The following PPP1R8 variants were observed in gnomAD, a reference collection of about 807,000 sequenced individuals.
The protein encoded by PPP1R8 is nuclear inhibitor of protein phosphatase 1.
Under a neutral mutation model 31.3 loss-of-function variants are expected in PPP1R8, and 4 were observed. The ratio of observed to expected loss-of-function variants is 0.13; its 90% confidence interval spans 0.06 to 0.29. PPP1R8 has a LOEUF of 0.29. PPP1R8 is among the 10% of genes least tolerant of loss of function. PPP1R8 has a pLI of 1.00. For synonymous variants in PPP1R8, 170 were observed against 169.7 expected (o/e 1.00, Z -0.01); for missense variants, 254 against 440.1 (o/e 0.58, Z 3.78).
chr1:27,850,608 G>A lies in PPP1R8; in HGVS notation c.*162G>A. The stretch of plus-strand genomic sequence containing the variant: ...TAATATGACAATTGGGGGTGGGGTT[G>A]AAATAGCCCATAAAGACCTGTCTTC... On this transcript the variant is annotated 3_prime_UTR_variant, in exon 7 of 7. Coordinates refer to ENST00000311772, the MANE Select transcript of PPP1R8 (RefSeq NM_014110.5). 1.5e-6 allele frequency: 1 copy of A among 658,390 alleles called. No homozygotes were observed. The allele number at this position is 658,390 out of a possible 1,614,324, so 40.8% of individuals were successfully genotyped here. A position where few individuals can be genotyped will look rare whatever the true frequency, so the allele number is the denominator to read the frequency against.
At chr1:27,847,439 G>A (rs1355528328) in intron 6 of PPP1R8, among the ~76,000 whole-genome samples, 1 of 151,654 alleles carries the variant, frequency 6.6e-6, no homozygotes, top group Non-Finnish European at 1.5e-5. Context: ...CCTGGGAGGC[G>A]GAGGTTGCAG....
At chr1:27,845,790 T>A (rs1436339849) in intron 5 of PPP1R8, among the ~76,000 whole-genome samples, 2 of 129,394 alleles carry the variant, frequency 1.5e-5, no homozygotes, top group Admixed American at 7.3e-5. Context: ...TTTCTTTTTT[T>A]TTTTTTTTTT....
intron 5 of PPP1R8, among the ~76,000 whole-genome samples, chr1:27,844,703 CTTTTTTTTTTTT>C (rs777070302): frequency 4.3e-5 from 3 of 70,448 alleles, no homozygotes; most frequent in South Asian, 4.9e-4. Flanking sequence ...AGACAAATTT[CTTTTTTTTTTTT>C]TTTTTTTTTT....
At chr1:27,848,131 G>A (rs570208265) in intron 6 of PPP1R8, among the ~76,000 whole-genome samples, 4 of 152,264 alleles carry the variant, frequency 2.6e-5, no homozygotes, top group Admixed American at 6.5e-5. Flanking sequence ...GGCTGGGTGC[G>A]GTGGCTCACG....
Position 27,838,068 on chromosome 1 carries a change from G to A in PPP1R8, c.118-631G>A, listed in dbSNP as rs538992024. 3.4e-3 allele frequency among the ~76,000 whole-genome samples: 523 copies of A among 151,914 alleles called. 4 individuals are homozygous for A. Among genetic ancestry groups the A allele is most frequent in the African/African-American group, 0.012 (490 of 41,416 alleles). ...CTACTAAAGATACAAAAAATTAGCC[G>A]GGCATGGTGGCGCGTGCCTGTAATC... On this transcript the variant is annotated intron_variant, in intron 2 of 6. Coordinates refer to ENST00000311772, the MANE Select transcript of PPP1R8 (RefSeq NM_014110.5).
chr1:27,843,513 A>G (rs2089242620), intron 5 of PPP1R8, among the ~76,000 whole-genome samples, 183 bp downstream of exon 5: 1 of 152,136 alleles, frequency 6.6e-6, no homozygotes, highest in Admixed American at 6.5e-5. Flanking sequence ...TACAAAAATT[A>G]GCTGGGCATG....
At chr1:27,840,990 C>T (rs78131453) in intron 3 of PPP1R8, 24 bp from the exon 4 acceptor site, 42 of 1,610,684 alleles carry the variant, frequency 2.6e-5, no homozygotes, top group Non-Finnish European at 3.1e-5. Context: ...TTCCCCCTTA[C>T]GTTTCTGATT....
intron 2 of PPP1R8, chr1:27,834,481 G>A (rs1232442164): frequency 7.7e-6 from 4 of 519,122 alleles, no homozygotes; most frequent in South Asian, 5.6e-5. Context: ...CTGGGTTTAA[G>A]AAGTGCAATA....
At chr1:27,837,086 A>C (rs181185452) in intron 2 of PPP1R8, among the ~76,000 whole-genome samples, 3 of 152,086 alleles carry the variant, frequency 2.0e-5, no homozygotes, top group Admixed American at 2.0e-4. Context: ...AATTGATCTA[A>C]AATTAAGATC....
chr1:27,847,332 C>T (rs2089295133), intron 6 of PPP1R8, among the ~76,000 whole-genome samples: 1 of 152,160 alleles, frequency 6.6e-6, no homozygotes, highest in Non-Finnish European at 1.5e-5. Context: ...CATGGTGAAA[C>T]CCTGTCTCTA....
intron 2 of PPP1R8, 22 bp downstream of exon 2, chr1:27,832,838 T>G: frequency 6.3e-7 from 1 of 1,585,166 alleles, no homozygotes; most frequent in Non-Finnish European, 8.6e-7. Flanking sequence ...CATGTCTTAC[T>G]TTTTTGGCTG....
rs1436411318 is a variant in PPP1R8, at chr1:27,850,828, C to T, written c.*382C>T. ...CAGTAGCATCACCAGCCTTGGGGGT[C>T]CAGAGCCTAATTTATATTCACTATC... On this transcript the variant is annotated 3_prime_UTR_variant, in exon 7 of 7. Coordinates refer to ENST00000311772, the MANE Select transcript of PPP1R8 (RefSeq NM_014110.5). 1.2e-5 allele frequency: 2 copies of T among 169,476 alleles called. No individual in the cohort carries two copies. Among genetic ancestry groups the T allele is most frequent in the East Asian group, 3.3e-4 (2 of 6,088 alleles). The allele number at this position is 169,476 out of a possible 1,614,324, so 10.5% of individuals were successfully genotyped here.
intron 6 of PPP1R8, 29 bp downstream of exon 6, chr1:27,847,121 CTG>C (rs1344422373): frequency 1.2e-6 from 2 of 1,606,382 alleles, no homozygotes; most frequent in Admixed American, 1.7e-5. Flanking sequence ...GCCATACAGT[CTG>C]TGTTTTAAAA....
chr1:27,838,616 C>T, intron 2 of PPP1R8, 83 bp from the exon 3 acceptor site: 1 of 922,192 alleles, frequency 1.1e-6, no homozygotes, highest in Non-Finnish European at 1.5e-6. Context: ...ATTTTATCTA[C>T]TCAAGATTCT....
rs971949548 is a variant in PPP1R8 at position 27,850,303 on chromosome 1, C to T, written c.913C>T (p.Pro305Ser). 1.9e-6 allele frequency: 3 copies of T among 1,614,238 alleles called. No individual in the cohort carries two copies. Among genetic ancestry groups the T allele is most frequent in the Non-Finnish European group, 2.5e-6 (3 of 1,180,056 alleles). Residue 305 changes from proline (P) to serine (S), a missense_variant, in exon 7 of 7, where the codon CCT becomes TCT. By Grantham distance (74) the Pro-to-Ser change is moderately conservative. This residue lies in a region of PPP1R8 where 105 missense variants were observed against 128.0 expected (regional missense o/e 0.82). Transcript: ENST00000311772. ...CCTTGCCCCTGATGTGGACTTGACT[C>T]CTGTTGTGCCGTCAGCAGTGAACAT... ...PNLAPDVDLTPVVPSAVNMNP... is the reference protein window; with the variant it reads ...PNLAPDVDLTSVVPSAVNMNP...
chr1:27,846,478 A>G (rs1435582584), intron 5 of PPP1R8, among the ~76,000 whole-genome samples: 1 of 152,246 alleles, frequency 6.6e-6, no homozygotes, highest in Non-Finnish European at 1.5e-5. Context: ...TATACAGTTC[A>G]GGCCGTTCAA....
chr1:27,843,740 G>T (rs1319684811), intron 5 of PPP1R8, among the ~76,000 whole-genome samples: 1 of 151,992 alleles, frequency 6.6e-6, no homozygotes, highest in African/African-American at 2.4e-5. Context: ...ATTGCTTGAG[G>T]CCAGGATTTC....
At chr1:27,842,324 A>G (rs1008816575) in intron 4 of PPP1R8, among the ~76,000 whole-genome samples, 2 of 151,536 alleles carry the variant, frequency 1.3e-5, no homozygotes, top group Non-Finnish European at 2.9e-5. Flanking sequence ...CCTGGGCAAC[A>G]AGAGCGAAAC....
Position 27,849,109 on chromosome 1 carries a change from C to T in PPP1R8, c.703-984C>T, listed in dbSNP as rs982187372. On this transcript the variant is annotated intron_variant, in intron 6 of 6. Transcript: ENST00000311772. ...ACACCAGGTCGGGCGTGCTGGGTCA[C>T]GCCTGTAATCCCAGCACTTTGGGAG... Among the ~76,000 whole-genome samples the T allele has an allele frequency of 1.1e-4, 16 of 152,260 alleles. 1 individual carries two copies. The highest frequency in any genetic ancestry group is 5.2e-4 in the Admixed American group (8 of 15,292).
Sources: allele counts gnomAD v4.1 joint callset (sites outside exome capture counted in the v4.1 genomes callset), GRCh38; gene constraint gnomAD v4.1.1; regional missense constraint gnomAD v4.1.1; transcripts MANE v1.5; gene names NCBI Gene and HGNC (gene_info 2026-07-23, HGNC 2026-07-21).